The following SDR42E1 variants were observed in gnomAD, a reference collection of about 807,000 sequenced individuals.
SDR42E1 encodes short chain dehydrogenase/reductase family 42E, member 1.
A neutral mutation model predicts 2.6 loss-of-function variants in SDR42E1; 5 were observed. The observed-to-expected ratio is 1.94, with a 90% CI of 1.01 to 4.08. The LOEUF (loss-of-function observed/expected upper bound fraction) is 4.08, where lower values mean the gene tolerates loss of function less well. Ranked by LOEUF, SDR42E1 falls within the 30% of genes most tolerant of loss-of-function variation. The probability of loss-of-function intolerance (pLI) is 0.00; values close to 1 mark genes in which losing one functional copy is unlikely to be tolerated. For synonymous variants in SDR42E1, 231 were observed against 188.3 expected (o/e 1.23, Z -1.86); for missense variants, 596 against 478.6 (o/e 1.25, Z -2.29).
In SDR42E1 at chr16:81,999,136, G is replaced by A; in HGVS notation, c.1157C>T (p.Pro386Leu). Reference protein sequence around the residue: ...LLIIAVLMWLPSSVILSL With the variant: ...LLIIAVLMWLLSSVILSL ...TCACAGTGACAGAATCACAGAAGAA[G>A]GCAGCCACATGAGAACTGCTATAAT... The change falls in exon 3 of 3, where the codon CCT becomes CTT. Residue 386 changes from proline to leucine, a missense_variant. Transcript: ENST00000328945. The A allele has an allele frequency of 6.2e-7, 1 of 1,613,854 alleles. No homozygotes were observed. Among genetic ancestry groups the A allele is most frequent in the Non-Finnish European group, 8.5e-7 (1 of 1,179,876 alleles).
chr16:82,001,803 G>A (rs1472342264), intron 1 of SDR42E1, among the ~76,000 whole-genome samples: 1 of 151,534 alleles, frequency 6.6e-6, no homozygotes, highest in African/African-American at 2.4e-5. Flanking sequence ...TCGGGAGGCT[G>A]AGGCAGGAGA....
chr16:82,007,792 C>G (rs1912990563), intron 1 of SDR42E1: 1 of 152,214 alleles, frequency 6.6e-6, no homozygotes, highest in African/African-American at 2.4e-5. Context: ...GTTTGGAAAT[C>G]TGGGCATTAG....
intron 1 of SDR42E1, among the ~76,000 whole-genome samples, chr16:82,004,977 T>C (rs959482620): frequency 2.6e-5 from 4 of 152,244 alleles, no homozygotes; most frequent in African/African-American, 9.6e-5. Context: ...TCTTGTCTGG[T>C]TGAAAGTTTT....
In SDR42E1 at chr16:81,991,087, G is replaced by C. The variant is rs150289492; in HGVS notation, c.*8024C>G. 4.0e-4 allele frequency: 61 copies of C among 152,276 alleles called. No homozygotes were observed. The highest frequency in any genetic ancestry group is 1.4e-3 in the African/African-American group (59 of 41,566). 9.4% of individuals were successfully genotyped at this position (152,276 alleles called of 1,614,324 possible). A position where few individuals can be genotyped will look rare whatever the true frequency, so the allele number is the denominator to read the frequency against. On this transcript the variant is annotated 3_prime_UTR_variant, in exon 3 of 3. Coordinates refer to ENST00000328945, the MANE Select transcript of SDR42E1 (RefSeq NM_145168.3). ...GGAGAGACTAGGACATGTGCAATGT[G>C]ACCAATATCAGTATTTGATTAGGTA...
At chr16:82,005,924 A>C (rs1912919170) in intron 1 of SDR42E1, among the ~76,000 whole-genome samples, 1 of 152,250 alleles carries the variant, frequency 6.6e-6, no homozygotes, top group Non-Finnish European at 1.5e-5. Flanking sequence ...GAGGGTAATA[A>C]AGTTGACATC....
At position 81,991,280 on chromosome 16, in the gene SDR42E1, G is replaced by A. The variant is rs1912422568; in HGVS notation, c.*7831C>T. 1 of 152,152 alleles carries A rather than the reference G, an allele frequency of 6.6e-6. No individual in the cohort carries two copies. Among genetic ancestry groups the A allele is most frequent in the African/African-American group, 2.4e-5 (1 of 41,438 alleles). The allele number at this position is 152,152 out of a possible 1,614,324, so 9.4% of individuals were successfully genotyped here. A position where few individuals can be genotyped will look rare whatever the true frequency, so the allele number is the denominator to read the frequency against. On this transcript the variant is annotated 3_prime_UTR_variant, in exon 3 of 3. Coordinates refer to ENST00000328945, the MANE Select transcript of SDR42E1 (RefSeq NM_145168.3). ...CATGACAAAATAATGGTTTGCTTCT[G>A]TAACTTAGTTTGTGTAGCAGAAGTC...
At chr16:82,009,767 T>C (rs1030809230) in intron 1 of SDR42E1, among the ~76,000 whole-genome samples, 7 of 152,156 alleles carry the variant, frequency 4.6e-5, no homozygotes, top group East Asian at 3.8e-4. Flanking sequence ...GAAGGCATGA[T>C]TGGTTTTGAA....
chr16:81,999,911 A>C lies in SDR42E1; in HGVS notation c.382T>G (p.Phe128Val). Residue 128 changes from phenylalanine (F) to valine (V), a missense_variant, in exon 3 of 3, where the codon TTT becomes GTT. Phe to Val is a conservative substitution (Grantham distance 50). Coordinates refer to ENST00000328945, the MANE Select transcript of SDR42E1 (RefSeq NM_145168.3). ...LVYTSTFNVI[F>V]GGQVIRNGDE... is the part of the protein sequence containing the mutation. ...CCATTTCTGATAACTTGACCTCCAA[A>C]GATGACATTGAAAGTGCTGGTGTAA... 6.2e-7 allele frequency: 1 copy of C among 1,614,224 alleles called. No homozygotes were observed. The highest frequency in any genetic ancestry group is 1.1e-5 in the South Asian group (1 of 91,082).
intron 1 of SDR42E1, among the ~76,000 whole-genome samples, chr16:82,005,171 T>C (rs959220321): frequency 6.6e-6 from 1 of 152,212 alleles, no homozygotes; most frequent in African/African-American, 2.4e-5. Flanking sequence ...CACAAGACCA[T>C]AGGTCAATCA....
At chr16:82,000,741 G>C in intron 2 of SDR42E1, 50 bp downstream of exon 2, 2 of 1,359,016 alleles carry the variant, frequency 1.5e-6, no homozygotes, top group Non-Finnish European at 2.1e-6. Context: ...AATGCTTCTG[G>C]CAACTACCAG....
rs183286703 is a variant in SDR42E1, at chr16:82,004,262, T to G, written c.-26-3378A>C. On this transcript the variant is annotated intron_variant, in intron 1 of 2. Transcript: ENST00000328945. ...AGGAAGAGATCATGGGAGAGTGAGCTTTAGCACTACAGGGCCCATGGGAGG... is the reference window on the plus strand; with the variant it reads ...AGGAAGAGATCATGGGAGAGTGAGCGTTAGCACTACAGGGCCCATGGGAGG... Among the ~76,000 whole-genome samples the G allele has an allele frequency of 3.0e-3, 438 of 147,260 alleles. 3 individuals are homozygous for G. The highest frequency in any genetic ancestry group is 0.01 in the Middle Eastern group (3 of 292).
Position 81,999,278 on chromosome 16 carries a change from G to C in SDR42E1, c.1015C>G (p.Gln339Glu). 1 of 1,614,196 alleles carries C rather than the reference G, an allele frequency of 6.2e-7. No individual in the cohort carries two copies. The highest frequency in any genetic ancestry group is 8.5e-7 in the Non-Finnish European group (1 of 1,180,032). The change falls in exon 3 of 3, where the codon CAG (glutamine) becomes GAG (glutamate). Residue 339 changes from glutamine (Q) to glutamate (E), a missense_variant. By Grantham distance (29) the Gln-to-Glu change is conservative. Transcript: ENST00000328945. ...ACTGCTTCCTGGAGGTCAAATGGCT[G>C]AGCCTTATAACCTAGCTCTTTCTTG... ...KAKKELGYKA[Q>E]PFDLQEAVEW...
In SDR42E1 at chr16:82,001,608, T is replaced by A. The variant is rs573390637; in HGVS notation, c.-26-724A>T. Among the ~76,000 whole-genome samples, 49 of 151,986 alleles carry A rather than the reference T, an allele frequency of 3.2e-4. 1 individual carries two copies. The South Asian group carries it at 6.6e-3, about 21-fold the overall frequency. ...ATGAAGACACCCAACTCCTTCCATG[T>A]GGGAGGGAGAGAGGCCAGGCACGGT... On this transcript the variant is annotated intron_variant, in intron 1 of 2. Transcript: ENST00000328945.
rs552785463 is a variant in SDR42E1 at position 82,009,446 on chromosome 16, T to C, written c.-27+1941A>G. On this transcript the variant is annotated intron_variant, in intron 1 of 2. Transcript: ENST00000328945. ...GCCCAAGACTATGGGAAACCACCTC[T>C]TGCATCAGTATGACCTGGATATGGG... 3.9e-5 allele frequency among the ~76,000 whole-genome samples: 6 copies of C among 152,360 alleles called. No homozygotes were observed. In the South Asian group the frequency reaches 1.2e-3, roughly 32 times the overall value.
chr16:82,010,103 CTG>C (rs1338004467), intron 1 of SDR42E1, among the ~76,000 whole-genome samples: 1 of 152,248 alleles, frequency 6.6e-6, no homozygotes, highest in African/African-American at 2.4e-5. Flanking sequence ...CCATGTGGAA[CTG>C]TGAGTCCATC....
chr16:82,004,989 A>T (rs1912888459), intron 1 of SDR42E1, among the ~76,000 whole-genome samples: 1 of 152,236 alleles, frequency 6.6e-6, no homozygotes, highest in Non-Finnish European at 1.5e-5. Flanking sequence ...GAAAGTTTTG[A>T]CAAACAGGAT....
Position 81,990,548 on chromosome 16 carries a change from C to G in SDR42E1, c.*8563G>C, listed in dbSNP as rs897873845. On this transcript the variant is annotated 3_prime_UTR_variant, in exon 3 of 3. Coordinates refer to ENST00000328945, the MANE Select transcript of SDR42E1 (RefSeq NM_145168.3). ...CCTTCCATCTTTCCCAGCAGAAACA[C>G]TATTAATTAAGGATCCATGTGCATA... 3 of 152,182 alleles carry G rather than the reference C, an allele frequency of 2.0e-5. No individual in the cohort carries two copies. Among genetic ancestry groups the G allele is most frequent in the African/African-American group, 7.2e-5 (3 of 41,436 alleles). 9.4% of individuals were successfully genotyped at this position (152,182 alleles called of 1,614,324 possible).
chr16:82,004,089 C>A (rs1284327242), intron 1 of SDR42E1, among the ~76,000 whole-genome samples: 1 of 152,086 alleles, frequency 6.6e-6, no homozygotes, highest in Non-Finnish European at 1.5e-5. Flanking sequence ...CTTTCCAGAG[C>A]TTACAAATAA....
rs1912367544 is a variant in SDR42E1 at position 81,988,961 on chromosome 16, T to A, written c.*10150A>T. 1 of 152,194 alleles carries A rather than the reference T, an allele frequency of 6.6e-6. No homozygotes were observed. Among genetic ancestry groups the A allele is most frequent in the South Asian group, 2.1e-4 (1 of 4,824 alleles). The allele number at this position is 152,194 out of a possible 1,614,324, so 9.4% of individuals were successfully genotyped here. On this transcript the variant is annotated 3_prime_UTR_variant, in exon 3 of 3. Transcript: ENST00000328945. ...ATTCTATTCTAGTACAAAATGAGAT[T>A]TTTTCCCCTCAAAATCAGTTCACAA...
Sources: gnomAD v4.1 joint callset for allele counts (sites outside exome capture counted in the v4.1 genomes callset) on GRCh38, gnomAD v4.1.1 for gene constraint, MANE v1.5 for transcripts, NCBI Gene and HGNC (gene_info 2026-07-23, HGNC 2026-07-21) for gene names.